Variants in TNRC6A observed in about 807,000 individuals in gnomAD.
TNRC6A encodes trinucleotide repeat-containing gene 6A protein.
A neutral mutation model predicts 221.2 loss-of-function variants in TNRC6A; 44 were observed. The observed-to-expected ratio is 0.20, with a 90% CI of 0.16 to 0.26. The LOEUF (loss-of-function observed/expected upper bound fraction) is 0.26, where lower values mean the gene tolerates loss of function less well. TNRC6A is among the 10% of genes least tolerant of loss of function. The pLI is 1.00. For synonymous variants in TNRC6A, 847 were observed against 838.5 expected (o/e 1.01, Z -0.18); for missense variants, 2,199 against 2,404.4 (o/e 0.91, Z 1.79).
At chr16:24,745,976 C>A (rs977968455) in intron 2 of TNRC6A, among the ~76,000 whole-genome samples, 1 of 152,154 alleles carries the variant, frequency 6.6e-6, no homozygotes, top group East Asian at 1.9e-4. Context: ...CATTTTCCCT[C>A]CCTTTTTCAA....
chr16:24,782,249 T>C (rs1276097941), intron 5 of TNRC6A, among the ~76,000 whole-genome samples: 12 of 152,230 alleles, frequency 7.9e-5, no homozygotes, highest in Admixed American at 7.9e-4. Context: ...ATGTCTTTTA[T>C]ATCCATCTCC....
intron 2 of TNRC6A, among the ~76,000 whole-genome samples, chr16:24,644,294 T>C (rs113770442): frequency 0.029 from 4,428 of 151,084 alleles, 206 homozygotes; most frequent in African/African-American, 0.1. Flanking sequence ...TTTCACCGTG[T>C]TAGCTTGTTT....
intron 2 of TNRC6A, among the ~76,000 whole-genome samples, chr16:24,672,031 G>A (rs900703759): frequency 1.3e-4 from 20 of 152,198 alleles, no homozygotes; most frequent in African/African-American, 4.6e-4. Flanking sequence ...TGGACAGCAT[G>A]TGAGATTGTG....
chr16:24,678,994 ATTTTT>A (rs10556464), intron 2 of TNRC6A, among the ~76,000 whole-genome samples: 5 of 135,916 alleles, frequency 3.7e-5, no homozygotes, highest in Admixed American at 7.5e-5. Flanking sequence ...AAAACATTGA[ATTTTT>A]TTTTTTTTTT....
At chr16:24,729,493 G>A (rs2056556511), upstream of TNRC6A, among the ~76,000 whole-genome samples, 1 of 151,770 alleles carries the variant, frequency 6.6e-6, no homozygotes, top group African/African-American at 2.4e-5. Context: ...GGGGCGCCTC[G>A]GAGGCTGTGA....
At chr16:24,763,525 TATC>T (rs1304036906) in intron 4 of TNRC6A, among the ~76,000 whole-genome samples, 1 of 152,234 alleles carries the variant, frequency 6.6e-6, no homozygotes, top group Non-Finnish European at 1.5e-5. Flanking sequence ...TCACTGCCAG[TATC>T]ATCCATGTTT....
intron 22 of TNRC6A, among the ~76,000 whole-genome samples, chr16:24,821,632 C>A (rs2058767347): frequency 6.6e-6 from 1 of 152,140 alleles, no homozygotes; most frequent in Non-Finnish European, 1.5e-5. Context: ...TGGGGAGCCC[C>A]TGCAGTAACC....
At chr16:24,804,366 C>T (rs1458906758) in intron 12 of TNRC6A, 47 bp downstream of exon 12, 2 of 1,568,114 alleles carry the variant, frequency 1.3e-6, no homozygotes, top group Admixed American at 2.1e-5. Context: ...CAGTATACTT[C>T]ATAGCGTAAT....
chr16:24,814,844 C>A (rs187815227), intron 18 of TNRC6A, among the ~76,000 whole-genome samples: 5 of 152,116 alleles, frequency 3.3e-5, no homozygotes, highest in African/African-American at 9.7e-5. Context: ...GAAAAGAACC[C>A]CTGAGCTATC....
At chr16:24,696,740 A>AAAAAAAAAG (rs1274428977) in intron 2 of TNRC6A, among the ~76,000 whole-genome samples, 2 of 146,858 alleles carry the variant, frequency 1.4e-5, no homozygotes, top group Non-Finnish European at 3.0e-5. Context: ...AAAAAAAAAA[A>AAAAAAAAAG]AAAAAGAAAG....
chr16:24,797,766 A>G, intron 10 of TNRC6A, 149 bp from the exon 11 acceptor site: 2 of 886,974 alleles, frequency 2.3e-6, no homozygotes, highest in Non-Finnish European at 1.6e-6. Context: ...ATTTTAAAAC[A>G]TTTTAAAAAT....
At chr16:24,611,122 T>C (rs1023212758) in intron 1 of TNRC6A, among the ~76,000 whole-genome samples, 2 of 152,076 alleles carry the variant, frequency 1.3e-5, no homozygotes, top group Non-Finnish European at 2.9e-5. Context: ...TGGATTTTCT[T>C]TTTTATTCAC....
intron 2 of TNRC6A, among the ~76,000 whole-genome samples, chr16:24,711,195 A>G (rs1426972252): frequency 6.6e-6 from 1 of 151,608 alleles, no homozygotes; most frequent in African/African-American, 2.4e-5. Context: ...TTTAGTAGAG[A>G]TAGGGTTTCA....
intron 2 of TNRC6A, among the ~76,000 whole-genome samples, chr16:24,664,353 TAAA>T (rs1337562973): frequency 6.7e-6 from 1 of 148,232 alleles, no homozygotes; most frequent in Admixed American, 6.9e-5. Context: ...AAATAATAAA[TAAA>T]TAACAATATT....
rs865868721 is a variant in TNRC6A at position 24,778,400 on chromosome 16, C to T, written c.589+1042C>T. ...AGATCTGTCTGACTCCAAAGATATGCTTGTAACCACCATGCTGTGCTTTGG... is the reference window on the plus strand; with the variant it reads ...AGATCTGTCTGACTCCAAAGATATGTTTGTAACCACCATGCTGTGCTTTGG... On this transcript the variant is annotated intron_variant, in intron 5 of 24. Transcript: ENST00000395799. 4 of 985,190 alleles carry T rather than the reference C, an allele frequency of 4.1e-6. No individual in the cohort carries two copies. In the East Asian group the frequency reaches 4.5e-4, roughly 112 times the overall value. 61.0% of individuals were successfully genotyped at this position (985,190 alleles called of 1,614,324 possible). A position where few individuals can be genotyped will look rare whatever the true frequency, so the allele number is the denominator to read the frequency against.
chr16:24,754,851 T>G (rs1223894801), intron 3 of TNRC6A, among the ~76,000 whole-genome samples: 1 of 152,360 alleles, frequency 6.6e-6, no homozygotes, highest in Non-Finnish European at 1.5e-5. Flanking sequence ...ATGGGCTTTT[T>G]GCTGTTACTG....
intron 4 of TNRC6A, 61 bp downstream of exon 4, chr16:24,758,421 A>G (rs1451868499): frequency 6.5e-7 from 1 of 1,549,726 alleles, no homozygotes; most frequent in Non-Finnish European, 8.9e-7. Context: ...GTTTATGTGC[A>G]TTTTTGTTCA....
chr16:24,673,309 G>A (rs1018889241), intron 2 of TNRC6A, among the ~76,000 whole-genome samples: 2 of 152,212 alleles, frequency 1.3e-5, no homozygotes, highest in Non-Finnish European at 2.9e-5. Flanking sequence ...GACCAAGATT[G>A]AAGGTCACAC....
rs113877306 is a variant in TNRC6A, at chr16:24,782,418, G to A, written c.589+5060G>A. On this transcript the variant is annotated intron_variant, in intron 5 of 24. Coordinates refer to ENST00000395799, the MANE Select transcript of TNRC6A (RefSeq NM_014494.4). Reference sequence around the variant, plus strand: ...GGTACCTACACCCATTCATTTACATGTCGTCTGGGCTGCTTTCAAGCTACA... The same window carrying A: ...GGTACCTACACCCATTCATTTACATATCGTCTGGGCTGCTTTCAAGCTACA... Among the ~76,000 whole-genome samples the A allele has an allele frequency of 7.9e-5, 12 of 152,262 alleles. 1 individual carries two copies. The highest frequency in any genetic ancestry group is 2.6e-4 in the African/African-American group (11 of 41,540).
Sources: allele counts gnomAD v4.1 joint callset (sites outside exome capture counted in the v4.1 genomes callset), GRCh38; gene constraint gnomAD v4.1.1; transcripts MANE v1.5; gene names NCBI Gene and HGNC (gene_info 2026-07-23, HGNC 2026-07-21).